The following PROCR variants were observed in gnomAD, a reference collection of about 807,000 sequenced individuals.
The protein encoded by PROCR is protein C receptor.
In PROCR, 22 loss-of-function variants were observed where a neutral mutation model predicts 24.2. The observed-to-expected ratio is 0.91, with a 90% confidence interval of 0.65 to 1.30. The LOEUF is 1.30. Among genes scored for constraint, PROCR ranks in the 50% most tolerant of loss-of-function variants. The pLI, the probability that PROCR is intolerant of heterozygous loss-of-function variation, is 0.00. For synonymous variants in PROCR, 137 were observed against 139.2 expected (o/e 0.98, Z 0.11); for missense variants, 288 against 307.7 (o/e 0.94, Z 0.48).
chr20:35,176,785 TC>T lies in PROCR; in HGVS notation c.691del (p.Leu231CysfsTer46). The T allele has an allele frequency of 6.2e-7, 1 of 1,614,070 alleles. No individual in the cohort carries two copies. The highest frequency in any genetic ancestry group is 2.2e-5 in the East Asian group (1 of 44,882). On this transcript the variant is annotated frameshift_variant, in exon 4 of 4. Transcript: ENST00000216968. LOFTEE classifies it high-confidence loss of function. ...ATTGCTGGTGTGGCTGTAGGCATCT[TC>T]CTGTGCACAGGTGGACGGCGATGTT... is the stretch of plus-strand genomic sequence containing the variant. ...FIIAGVAVGI[F>X]LCTGGRRC
intron 1 of PROCR, among the ~76,000 whole-genome samples, chr20:35,204,300 T>C (rs2146175035): frequency 6.6e-6 from 1 of 152,284 alleles, no homozygotes; most frequent in Admixed American, 6.5e-5. Flanking sequence ...CCTTCCAATG[T>C]AGAGAAGAAA....
At chr20:35,205,643 C>T (rs1032717324) in intron 1 of PROCR, among the ~76,000 whole-genome samples, 3 of 146,782 alleles carry the variant, frequency 2.0e-5, no homozygotes, top group South Asian at 2.2e-4. Flanking sequence ...CCCAGCTACT[C>T]GGGAGGCTGA....
intron 1 of PROCR, among the ~76,000 whole-genome samples, chr20:35,196,743 A>C (rs540749053): frequency 1.3e-5 from 2 of 152,252 alleles, no homozygotes; most frequent in Non-Finnish European, 2.9e-5. Flanking sequence ...AAAGTGAAAT[A>C]ATACCAAAAG....
Position 35,215,055 on chromosome 20 carries a change from C to T in PROCR, c.95-838C>T, listed in dbSNP as rs144391285. Among the ~76,000 whole-genome samples, 1,132 of 152,050 alleles carry T rather than the reference C, an allele frequency of 7.4e-3. 14 individuals are homozygous for T. The highest frequency in any genetic ancestry group is 0.025 in the African/African-American group (1,057 of 41,496). On this transcript the variant is annotated intron_variant, in intron 1 of 1. Transcript: ENST00000634509. ...CTGAGTAGCTGGGATTACAGGCACGCGCCACCAAGCCAGGCTAATTTTTTT... is the reference window on the plus strand; with the variant it reads ...CTGAGTAGCTGGGATTACAGGCACGTGCCACCAAGCCAGGCTAATTTTTTT...
chr20:35,176,304 C>T lies in PROCR; in HGVS notation c.459C>T (p.Asp153=). ...FRPERALWQA[D]TQVTSGVVTF... ...CGGAGAGAGCCTTGTGGCAGGCAGA[C>T]ACCCAGGTCACCTCCGGAGTGGTCA... is the stretch of plus-strand genomic sequence containing the variant. The change falls in exon 3 of 4, where the codon GAC becomes GAT. Residue 153 remains aspartate (D), a synonymous_variant. Transcript: ENST00000216968. The T allele has an allele frequency of 1.2e-6, 2 of 1,614,222 alleles. No homozygotes were observed. The highest frequency in any genetic ancestry group is 1.7e-5 in the Admixed American group (1 of 60,028).
At chr20:35,206,474 C>CAAAA (rs34186603) in intron 1 of PROCR, among the ~76,000 whole-genome samples, 8 of 68,710 alleles carry the variant, frequency 1.2e-4, no homozygotes, top group Non-Finnish European at 1.9e-4. Context: ...GACTCTATCT[C>CAAAA]AAAAAAAAAA....
upstream of PROCR, chr20:35,171,936 G>A (rs1299605810): frequency 3.2e-6 from 2 of 617,896 alleles, no homozygotes; most frequent in African/African-American, 3.6e-5. Flanking sequence ...GCAGAGGGAG[G>A]GCAGGAGGGA....
chr20:35,182,485 A>G (rs956011874), intron 1 of PROCR, among the ~76,000 whole-genome samples: 4 of 152,142 alleles, frequency 2.6e-5, no homozygotes, highest in Non-Finnish European at 5.9e-5. Context: ...TCATTAATTT[A>G]TTTACTCGTT....
At chr20:35,201,253 G>A (rs1300640135) in intron 1 of PROCR, among the ~76,000 whole-genome samples, 1 of 150,594 alleles carries the variant, frequency 6.6e-6, no homozygotes, top group East Asian at 1.9e-4. Flanking sequence ...AAATATAACA[G>A]GAAAGGGGAC....
intron 1 of PROCR, among the ~76,000 whole-genome samples, chr20:35,182,730 C>G (rs1185347227): frequency 1.3e-5 from 2 of 152,072 alleles, no homozygotes; most frequent in African/African-American, 4.8e-5. Flanking sequence ...AATCCCAGCA[C>G]TTTGGGAGGC....
intron 1 of PROCR, among the ~76,000 whole-genome samples, chr20:35,187,845 A>C (rs1470332366): frequency 1.3e-5 from 2 of 152,210 alleles, no homozygotes; most frequent in Non-Finnish European, 2.9e-5. Flanking sequence ...AGGATTCTAC[A>C]TTCCTAAGTC....
exon 2 of PROCR, chr20:35,216,033 A>T (rs1377448073): frequency 4.6e-6 from 1 of 215,244 alleles, no homozygotes; most frequent in Non-Finnish European, 7.9e-6. Flanking sequence ...CCCCGTCTCT[A>T]CTAAAAATAC....
chr20:35,192,256 CAT>C (rs757236358), intron 1 of PROCR, among the ~76,000 whole-genome samples: 2 of 152,140 alleles, frequency 1.3e-5, no homozygotes, highest in African/African-American at 2.4e-5. Flanking sequence ...CACTGAAAGA[CAT>C]ATACAAGATT....
At chr20:35,194,674 A>T (rs1420519912) in intron 1 of PROCR, among the ~76,000 whole-genome samples, 1 of 152,238 alleles carries the variant, frequency 6.6e-6, no homozygotes, top group African/African-American at 2.4e-5. Flanking sequence ...AATGGCTTTG[A>T]TAACTCAACT....
At position 35,177,100 on chromosome 20, in the gene PROCR, G is replaced by A. The variant is rs2086028109; in HGVS notation, c.*287G>A. 2.5e-6 allele frequency: 3 copies of A among 1,219,984 alleles called. No individual in the cohort carries two copies. Among genetic ancestry groups the A allele is most frequent in the East Asian group, 5.0e-5 (1 of 19,848 alleles). 75.6% of individuals were successfully genotyped at this position (1,219,984 alleles called of 1,614,324 possible). A position where few individuals can be genotyped will look rare whatever the true frequency, so the allele number is the denominator to read the frequency against. ...TGTGGAAAACAGATAATGGAGTTGGGGCAGGAAGCCTATGGCCCATCCTCC... is the reference window on the plus strand; with the variant it reads ...TGTGGAAAACAGATAATGGAGTTGGAGCAGGAAGCCTATGGCCCATCCTCC... On this transcript the variant is annotated 3_prime_UTR_variant, in exon 4 of 4. Transcript: ENST00000216968.
chr20:35,172,066 G>T (rs1451614090), upstream of PROCR: 25 of 1,243,950 alleles, frequency 2.0e-5, no homozygotes, highest in Non-Finnish European at 3.0e-5. Flanking sequence ...CTCCCAGACG[G>T]TCCTCACTTC....
intron 1 of PROCR, among the ~76,000 whole-genome samples, chr20:35,195,718 G>C (rs1252782117): frequency 2.0e-5 from 3 of 151,330 alleles, no homozygotes; most frequent in African/African-American, 4.9e-5. Flanking sequence ...CTACTCGGGA[G>C]GCTGAGGCAG....
intron 1 of PROCR, among the ~76,000 whole-genome samples, chr20:35,194,291 TATTA>T (rs2086197874): frequency 1.3e-5 from 2 of 152,202 alleles, no homozygotes; most frequent in Non-Finnish European, 2.9e-5. Context: ...TTAAAAAGAA[TATTA>T]ATTAAGGATA....
chr20:35,207,766 G>A (rs967657550), intron 1 of PROCR, among the ~76,000 whole-genome samples: 1 of 152,042 alleles, frequency 6.6e-6, no homozygotes, highest in African/African-American at 2.4e-5. Context: ...CTGACCTCAG[G>A]TGATCTGCCT....
Sources: gnomAD v4.1 joint callset for allele counts (sites outside exome capture counted in the v4.1 genomes callset) on GRCh38, gnomAD v4.1.1 for gene constraint, MANE v1.5 for transcripts, NCBI Gene and HGNC (gene_info 2026-07-23, HGNC 2026-07-21) for gene names.